TAB1: variants seen among roughly 807,000 people sequenced by gnomAD.
TAB1 encodes TGF-beta-activated kinase 1 and MAP3K7-binding protein 1.
Under a neutral mutation model 54.5 loss-of-function variants are expected in TAB1, and 30 were observed. That is an observed-to-expected ratio of 0.55 (90% CI 0.41 to 0.75). TAB1 has a LOEUF of 0.75. Among genes scored for constraint, TAB1 ranks in the 30% least tolerant of loss-of-function variants. The pLI, the probability that TAB1 is intolerant of heterozygous loss-of-function variation, is 0.00. For missense variants in TAB1, 609 were observed against 683.2 expected (o/e 0.89, Z 1.21); for synonymous variants, 289 against 286.9 (o/e 1.01, Z -0.07).
chr22:39,404,876 C>A (rs2145654537), intron 1 of TAB1, among the ~76,000 whole-genome samples: 1 of 152,118 alleles, frequency 6.6e-6, no homozygotes, highest in Non-Finnish European at 1.5e-5. Context: ...GAAGTGGGGG[C>A]CAGGAGTGGA....
In TAB1 at chr22:39,409,299, G is replaced by T. The variant is rs369485063; in HGVS notation, c.34-5707G>T. On this transcript the variant is annotated intron_variant, in intron 1 of 10. Transcript: ENST00000216160. ...AGGAGCTACCTTTGGAAGTATATTTGCCTGGTTATAGGAGACTTTTGTGAG... is the reference window on the plus strand; with the variant it reads ...AGGAGCTACCTTTGGAAGTATATTTTCCTGGTTATAGGAGACTTTTGTGAG... Among the ~76,000 whole-genome samples, 14 of 152,306 alleles carry T rather than the reference G, an allele frequency of 9.2e-5. No homozygotes were observed. In the East Asian group the frequency reaches 2.1e-3, roughly 23 times the overall value.
downstream of TAB1, chr22:39,432,337 T>G (rs1927618336): frequency 6.6e-6 from 1 of 152,272 alleles, no homozygotes; most frequent in South Asian, 2.1e-4. Flanking sequence ...GGAAGGATCT[T>G]CTATAAATAC....
intron 1 of TAB1, among the ~76,000 whole-genome samples, chr22:39,409,583 A>G (rs1166187888): frequency 2.0e-5 from 3 of 151,882 alleles, no homozygotes; most frequent in African/African-American, 7.3e-5. Context: ...GCTTTTTTCC[A>G]TCTTAGGGTC....
At chr22:39,414,261 GT>G (rs2145666004) in intron 1 of TAB1, among the ~76,000 whole-genome samples, 1 of 152,296 alleles carries the variant, frequency 6.6e-6, no homozygotes, top group African/African-American at 2.4e-5. Flanking sequence ...GAGGGAGGGT[GT>G]TCATGTGGAG....
chr22:39,432,255 C>T (rs975952728), downstream of TAB1, among the ~76,000 whole-genome samples: 36 of 152,196 alleles, frequency 2.4e-4, no homozygotes, highest in African/African-American at 7.5e-4. Context: ...TGTGGCCACC[C>T]GGTGCTCAGG....
At chr22:39,422,687 G>A (rs1483008309) in intron 8 of TAB1, among the ~76,000 whole-genome samples, 1 of 152,042 alleles carries the variant, frequency 6.6e-6, no homozygotes, top group Non-Finnish European at 1.5e-5. Context: ...GTGAGCCACC[G>A]CGCCCGGCAG....
chr22:39,412,507 G>A (rs1926651745), intron 1 of TAB1, among the ~76,000 whole-genome samples: 1 of 152,082 alleles, frequency 6.6e-6, no homozygotes, highest in Admixed American at 6.5e-5. Context: ...TGCCCCAGAA[G>A]CCAGTTTTAC....
chr22:39,418,620 A>G lies in TAB1; in HGVS notation c.551-112A>G, dbSNP rs1400708225. The G allele has an allele frequency of 6.4e-6, 5 of 781,800 alleles. No homozygotes were observed. In the East Asian group the frequency reaches 8.0e-5, roughly 13 times the overall value. The allele number at this position is 781,800 out of a possible 1,614,324, so 48.4% of individuals were successfully genotyped here. ...CCGTTGGTCTGAGCCTGTTTTGCCC[A>G]TTTCAGGTATTTCCATGTGTGAAAT... is the stretch of plus-strand genomic sequence containing the variant. On this transcript the variant is annotated intron_variant, in intron 5 of 10. Transcript: ENST00000216160.
intron 8 of TAB1, among the ~76,000 whole-genome samples, chr22:39,423,443 A>T (rs1163870190): frequency 6.6e-6 from 1 of 152,154 alleles, no homozygotes; most frequent in African/African-American, 2.4e-5. Context: ...CGTCTCTACT[A>T]AAAATACAAA....
At chr22:39,414,719 C>T in intron 1 of TAB1, 1 of 361,990 alleles carries the variant, frequency 2.8e-6, no homozygotes, top group South Asian at 3.5e-5. Flanking sequence ...GTGTGTGTTT[C>T]ACTAGGTTTC....
At chr22:39,417,391 C>G (rs962201648) in intron 4 of TAB1, among the ~76,000 whole-genome samples, 1 of 152,124 alleles carries the variant, frequency 6.6e-6, no homozygotes, top group African/African-American at 2.4e-5. Context: ...GAGGCCGAGG[C>G]GGGCGGATCA....
chr22:39,428,626 G>A (rs917332954), intron 10 of TAB1, among the ~76,000 whole-genome samples: 1 of 152,304 alleles, frequency 6.6e-6, no homozygotes, highest in Non-Finnish European at 1.5e-5. Context: ...AACAGCCTGA[G>A]GGGGATGCGG....
At chr22:39,399,984 C>T (rs887280015) in intron 1 of TAB1, 149 bp downstream of exon 1, 3 of 932,166 alleles carry the variant, frequency 3.2e-6, no homozygotes, top group Non-Finnish European at 4.8e-6. Context: ...TCGGGCTGGC[C>T]CCCTCGTTCC....
Position 39,431,717 on chromosome 22 carries a change from C to T in TAB1, c.*1495C>T, listed in dbSNP as rs1400813590. ...CTCACTCCCCACTTTGAAGCCATCT[C>T]TGTTCTGCAGGTGAGAGGATTTAAA... On this transcript the variant is annotated 3_prime_UTR_variant, in exon 11 of 11. Coordinates refer to ENST00000216160, the MANE Select transcript of TAB1 (RefSeq NM_006116.3). 6 of 985,422 alleles carry T rather than the reference C, an allele frequency of 6.1e-6. No homozygotes were observed. Among genetic ancestry groups the T allele is most frequent in the Non-Finnish European group, 6.0e-6 (5 of 829,994 alleles). The allele number at this position is 985,422 out of a possible 1,614,324, so 61.0% of individuals were successfully genotyped here.
At chr22:39,433,495 A>C (rs1329065232), downstream of TAB1, 2 of 984,202 alleles carry the variant, frequency 2.0e-6, no homozygotes, top group African/African-American at 3.5e-5. Flanking sequence ...AAACCCAGCT[A>C]GGTTGCTGGC....
intron 1 of TAB1, among the ~76,000 whole-genome samples, chr22:39,405,553 C>T (rs1049571622): frequency 1.6e-4 from 24 of 151,906 alleles, no homozygotes; most frequent in Non-Finnish European, 3.5e-4. Context: ...GCGCCGCTCA[C>T]GGCTGGTGCT....
In TAB1 at chr22:39,415,337, A is replaced by G. The variant is rs1926777597; in HGVS notation, c.171-163A>G. ...AGCATGGGGAGGAGGGTATCCCAGA[A>G]TGTCATAGCCAGAGTGAAATGATGG... On this transcript the variant is annotated intron_variant, in intron 2 of 10. Coordinates refer to ENST00000216160, the MANE Select transcript of TAB1 (RefSeq NM_006116.3). The surrounding 1 kb of genome is among the most constrained non-coding windows in gnomAD (Gnocchi z 4.9). Among the ~76,000 whole-genome samples the G allele has an allele frequency of 6.6e-6, 1 of 152,136 alleles. No homozygotes were observed. Among genetic ancestry groups the G allele is most frequent in the Non-Finnish European group, 1.5e-5 (1 of 68,012 alleles).
At position 39,404,169 on chromosome 22, in the gene TAB1, T is replaced by C. The variant is rs1034347381; in HGVS notation, c.33+4334T>C. On this transcript the variant is annotated intron_variant, in intron 1 of 10. Coordinates refer to ENST00000216160, the MANE Select transcript of TAB1 (RefSeq NM_006116.3). ...AGGAAGAAGAGTCAAAAAGGACTCT[T>C]AAGGTTTTGGTTTAAACAACAGTGG... Among the ~76,000 whole-genome samples, 31 of 152,290 alleles carry C rather than the reference T, an allele frequency of 2.0e-4. 1 individual carries two copies. Among genetic ancestry groups the C allele is most frequent in the African/African-American group, 7.5e-4 (31 of 41,558 alleles).
chr22:39,431,149 G>A lies in TAB1; in HGVS notation c.*927G>A. The A allele has an allele frequency of 1.0e-6, 1 of 985,918 alleles. No homozygotes were observed. The highest frequency in any genetic ancestry group is 1.2e-6 in the Non-Finnish European group (1 of 830,314). 61.1% of individuals were successfully genotyped at this position (985,918 alleles called of 1,614,324 possible). Reference sequence around the variant, plus strand: ...GTCAGGCTGGGGGACTTGTTTGAAAGAAAGAGGAGTGGAAAATGGTTCCAG... The same window carrying A: ...GTCAGGCTGGGGGACTTGTTTGAAAAAAAGAGGAGTGGAAAATGGTTCCAG... On this transcript the variant is annotated 3_prime_UTR_variant, in exon 11 of 11. Transcript: ENST00000216160.
Sources: gnomAD v4.1 joint callset for allele counts (sites outside exome capture counted in the v4.1 genomes callset) on GRCh38, gnomAD v4.1.1 for gene constraint, Gnocchi (gnomAD v3.1) non-coding constraint, MANE v1.5 for transcripts, NCBI Gene and HGNC (gene_info 2026-07-23, HGNC 2026-07-21) for gene names.